The following TMEM273 variants were observed in gnomAD, a reference collection of about 807,000 sequenced individuals.
The protein encoded by TMEM273 is transmembrane protein 273.
TMEM273 carries 19 observed loss-of-function variants against 17.9 expected under a neutral mutation model. That is an observed-to-expected ratio of 1.06 (90% CI 0.74 to 1.55). The LOEUF is 1.55. TMEM273 is among the 40% of genes most tolerant of loss of function. The probability of loss-of-function intolerance (pLI) is 0.00; values close to 1 mark genes in which losing one functional copy is unlikely to be tolerated. For synonymous variants in TMEM273, 66 were observed against 62.0 expected (o/e 1.07, Z -0.31); for missense variants, 194 against 155.6 (o/e 1.25, Z -1.31).
At chr10:49,169,613 G>C (rs768535623) in intron 1 of TMEM273, among the ~76,000 whole-genome samples, 1 of 152,140 alleles carries the variant, frequency 6.6e-6, no homozygotes, top group Non-Finnish European at 1.5e-5. Flanking sequence ...AGCCCCATGT[G>C]AGCACATTTG....
chr10:49,165,308 G>C (rs1846102358), intron 4 of TMEM273, 25 bp from the exon 5 acceptor site: 1 of 1,550,436 alleles, frequency 6.4e-7, no homozygotes, highest in South Asian at 1.2e-5. Flanking sequence ...TCCAATTACA[G>C]AAAACAGCAA....
intron 6 of TMEM273, among the ~76,000 whole-genome samples, chr10:49,156,510 A>G (rs1200715326): frequency 6.6e-6 from 1 of 152,250 alleles, no homozygotes; most frequent in Non-Finnish European, 1.5e-5. Flanking sequence ...GGCCTCACTT[A>G]TACCTCCATG....
At chr10:49,175,059 G>C (rs1003770020) in intron 1 of TMEM273, among the ~76,000 whole-genome samples, 2 of 152,070 alleles carry the variant, frequency 1.3e-5, no homozygotes, top group African/African-American at 4.8e-5. Context: ...TAAAGTCTCG[G>C]TGAGGTGGCA....
In TMEM273 at chr10:49,161,615, G is replaced by C; in HGVS notation, c.356C>G (p.Pro119Arg). 1 of 1,614,198 alleles carries C rather than the reference G, an allele frequency of 6.2e-7. No homozygotes were observed. The highest frequency in any genetic ancestry group is 8.5e-7 in the Non-Finnish European group (1 of 1,180,034). ...CIMEGLFKAK[P>R]QFLQKRCTGD ...ACAACTCACCTTTTGGAGAAATTGT[G>C]GTTTCGCCTGCAAAACAAGATAAAA... is the stretch of plus-strand genomic sequence containing the variant. Residue 119 changes from proline to arginine, a missense_variant, in exon 6 of 7, where the codon CCA becomes CGA. By Grantham distance (103) the Pro-to-Arg change is moderately radical. Coordinates refer to ENST00000374153, the MANE Select transcript of TMEM273 (RefSeq NM_001288740.3).
chr10:49,179,862 G>A (rs922382103), intron 1 of TMEM273, among the ~76,000 whole-genome samples: 20 of 152,144 alleles, frequency 1.3e-4, no homozygotes, highest in African/African-American at 4.8e-4. Context: ...AGACTTTTAG[G>A]TGATAACCAC....
In TMEM273 at chr10:49,166,881, C is replaced by G; in HGVS notation, c.226G>C (p.Gly76Arg). 6.2e-7 allele frequency: 1 copy of G among 1,613,870 alleles called. No homozygotes were observed. Among genetic ancestry groups the G allele is most frequent in the Non-Finnish European group, 8.5e-7 (1 of 1,180,016 alleles). ...CCACATCCCTCACCACTGAGGCCCC[C>G]AGGCGTGCTTTTCAGGTCGGAAGAG... ...DDSSDLKSTP[G>R]GLSDTIPLKK... The change falls in exon 3 of 7, where the codon GGG (glycine) becomes CGG (arginine). Residue 76 changes from glycine to arginine, a missense_variant. Gly to Arg is a moderately radical substitution (Grantham distance 125, BLOSUM62 -2). Coordinates refer to ENST00000374153, the MANE Select transcript of TMEM273 (RefSeq NM_001288740.3).
intron 5 of TMEM273, among the ~76,000 whole-genome samples, chr10:49,161,883 T>C (rs1448154490): frequency 6.6e-6 from 1 of 152,146 alleles, no homozygotes; most frequent in Non-Finnish European, 1.5e-5. Flanking sequence ...GTGAGGGCGA[T>C]GTATTAATTA....
chr10:49,160,749 C>A (rs1845792628), intron 6 of TMEM273: 1 of 152,048 alleles, frequency 6.6e-6, no homozygotes, highest in South Asian at 2.1e-4. Flanking sequence ...CACTAATTTG[C>A]AAGTAGATCA....
chr10:49,166,714 G>A (rs759007091), intron 3 of TMEM273, 155 bp downstream of exon 3: 2 of 1,085,940 alleles, frequency 1.8e-6, no homozygotes, highest in African/African-American at 3.1e-5. Context: ...AAGGGTTAGT[G>A]AGAGAGACAG....
intron 3 of TMEM273, 79 bp from the exon 4 acceptor site, chr10:49,165,875 C>T (rs1846146591): frequency 6.3e-7 from 1 of 1,577,282 alleles, no homozygotes; most frequent in Non-Finnish European, 8.7e-7. Flanking sequence ...TTTCACCTCC[C>T]TCTCCTTGGT....
chr10:49,186,492 C>T (rs1431828578), intron 1 of TMEM273, among the ~76,000 whole-genome samples: 1 of 152,186 alleles, frequency 6.6e-6, no homozygotes, highest in Admixed American at 6.5e-5. Context: ...CCAAATTGCC[C>T]TCTGGAGAGA....
chr10:49,181,517 T>G (rs1007758789), intron 1 of TMEM273, among the ~76,000 whole-genome samples: 2 of 152,132 alleles, frequency 1.3e-5, no homozygotes, highest in African/African-American at 2.4e-5. Flanking sequence ...GACAGACACA[T>G]CAGTGGAAAA....
rs1326156369 is a variant in TMEM273 at position 49,155,605 on chromosome 10, G to C, written c.*287C>G. 3.7e-6 allele frequency: 2 copies of C among 537,674 alleles called. No individual in the cohort carries two copies. The highest frequency in any genetic ancestry group is 3.3e-5 in the Admixed American group (1 of 30,624). 33.3% of individuals were successfully genotyped at this position (537,674 alleles called of 1,614,324 possible). On this transcript the variant is annotated 3_prime_UTR_variant, in exon 7 of 7. Transcript: ENST00000374153. ...CCATGGCCTCATGGAAGCATGAACA[G>C]CTCCAACACAGGGTGAAGCTTTTGG...
intron 1 of TMEM273, among the ~76,000 whole-genome samples, chr10:49,184,139 T>C (rs138322040): frequency 6.0e-4 from 91 of 152,290 alleles, no homozygotes; most frequent in African/African-American, 2.1e-3. Context: ...TGATGTCCCA[T>C]ACAGAAAACA....
chr10:49,164,757 T>A (rs1216549926), intron 5 of TMEM273, among the ~76,000 whole-genome samples: 1 of 152,090 alleles, frequency 6.6e-6, no homozygotes, highest in Non-Finnish European at 1.5e-5. Flanking sequence ...GAGGCTCCCC[T>A]GCACCTCCTA....
chr10:49,166,886 G>T lies in TMEM273; in HGVS notation c.221C>A (p.Thr74Lys). The T allele has an allele frequency of 6.2e-7, 1 of 1,613,894 alleles. No homozygotes were observed. Among genetic ancestry groups the T allele is most frequent in the African/African-American group, 1.3e-5 (1 of 75,064 alleles). ...TCCCTCACCACTGAGGCCCCCAGGC[G>T]TGCTTTTCAGGTCGGAAGAGTCGTC... ...FDDDSSDLKSTPGGLSDTIPL... is the reference protein window; with the variant it reads ...FDDDSSDLKSKPGGLSDTIPL... The change falls in exon 3 of 7, where the codon ACG becomes AAG. Residue 74 changes from threonine to lysine, a missense_variant. Thr to Lys is a moderately conservative substitution (Grantham distance 78). Coordinates refer to ENST00000374153, the MANE Select transcript of TMEM273 (RefSeq NM_001288740.3).
At chr10:49,178,585 C>G (rs1290361786) in intron 1 of TMEM273, among the ~76,000 whole-genome samples, 1 of 152,138 alleles carries the variant, frequency 6.6e-6, no homozygotes, top group Non-Finnish European at 1.5e-5. Context: ...GTCTAGGAGG[C>G]CAGTGACATA....
chr10:49,167,588 G>A (rs574668279), intron 2 of TMEM273, among the ~76,000 whole-genome samples: 72 of 152,326 alleles, frequency 4.7e-4, no homozygotes, highest in African/African-American at 1.7e-3. Context: ...CGCAGGTGGA[G>A]GGAGGCACCG....
intron 6 of TMEM273, among the ~76,000 whole-genome samples, chr10:49,156,583 G>A (rs1415312310): frequency 6.6e-6 from 1 of 152,100 alleles, no homozygotes; most frequent in African/African-American, 2.4e-5. Context: ...ATAATAGAAT[G>A]GTATATATGC....
Sources: allele counts gnomAD v4.1 joint callset (sites outside exome capture counted in the v4.1 genomes callset), GRCh38; gene constraint gnomAD v4.1.1; transcripts MANE v1.5; gene names NCBI Gene and HGNC (gene_info 2026-07-23, HGNC 2026-07-21).